The following ENTREP2 variants were observed in gnomAD, a reference collection of about 807,000 sequenced individuals.
The protein encoded by ENTREP2 is protein ENTREP2.
the ENTREP2 span, among the ~76,000 whole-genome samples, chr15:29,383,970 C>G: frequency 6.6e-6 from 1 of 152,200 alleles, no homozygotes; most frequent in Non-Finnish European, 1.5e-5. Flanking sequence ...CTCCTTGCCT[C>G]GCAGTCCAGT....
the ENTREP2 span, among the ~76,000 whole-genome samples, chr15:29,131,508 G>A: frequency 2.1e-5 from 3 of 142,652 alleles, no homozygotes; most frequent in Non-Finnish European, 4.6e-5. Context: ...TTCAGCCCTG[G>A]GGTGCTGAAG....
the ENTREP2 span, chr15:29,126,378 G>A: frequency 1.7e-5 from 27 of 1,545,322 alleles, no homozygotes; most frequent in East Asian, 5.9e-4. Flanking sequence ...ACATGGCCAG[G>A]GGGAAGGGCA....
At chr15:29,149,975 C>T in the ENTREP2 span, among the ~76,000 whole-genome samples, 3 of 152,332 alleles carry the variant, frequency 2.0e-5, no homozygotes, top group Admixed American at 6.5e-5. Flanking sequence ...CCGCTGTCGC[C>T]GCAGCCTGCC....
At chr15:29,479,206 CAAAA>C in the ENTREP2 span, among the ~76,000 whole-genome samples, 5 of 72,340 alleles carry the variant, frequency 6.9e-5, no homozygotes, top group Middle Eastern at 6.9e-3. Flanking sequence ...GGCTCTGTCT[CAAAA>C]AAAAAAAAAA....
the ENTREP2 span, among the ~76,000 whole-genome samples, chr15:29,309,180 G>C: frequency 3.3e-5 from 5 of 152,240 alleles, no homozygotes; most frequent in South Asian, 2.1e-4. Flanking sequence ...CCCTATAATT[G>C]AATGTATTAT....
chr15:29,479,407 G>C, the ENTREP2 span, among the ~76,000 whole-genome samples: 4 of 151,964 alleles, frequency 2.6e-5, no homozygotes, highest in Admixed American at 2.6e-4. Flanking sequence ...AAATTACCCA[G>C]GGTCAGGTAT....
the ENTREP2 span, among the ~76,000 whole-genome samples, chr15:29,450,736 T>G: frequency 1.3e-5 from 2 of 152,152 alleles, no homozygotes; most frequent in African/African-American, 4.8e-5. Context: ...AATGGTAGAC[T>G]GGGTAAAGAA....
chr15:29,329,784 C>A, the ENTREP2 span, among the ~76,000 whole-genome samples: 1 of 152,136 alleles, frequency 6.6e-6, no homozygotes, highest in Admixed American at 6.5e-5. Flanking sequence ...AATAAAGTAA[C>A]ATTGGATTAT....
At chr15:29,184,925 G>A in the ENTREP2 span, among the ~76,000 whole-genome samples, 1 of 151,878 alleles carries the variant, frequency 6.6e-6, no homozygotes, top group Admixed American at 6.6e-5. Flanking sequence ...TGAACGGTAT[G>A]AGACCATGGG....
At chr15:29,362,074 C>G in the ENTREP2 span, among the ~76,000 whole-genome samples, 1 of 152,182 alleles carries the variant, frequency 6.6e-6, no homozygotes. Context: ...GGGACTCCAT[C>G]CAGAGGCACA....
chr15:29,200,288 G>A, the ENTREP2 span, among the ~76,000 whole-genome samples: 1 of 152,050 alleles, frequency 6.6e-6, no homozygotes, highest in Non-Finnish European at 1.5e-5. Context: ...CGATTCTCAT[G>A]GCTCAGCCTC....
At chr15:29,621,320 G>A in the ENTREP2 span, among the ~76,000 whole-genome samples, 1 of 151,452 alleles carries the variant, frequency 6.6e-6, no homozygotes, top group African/African-American at 2.4e-5. Context: ...TCAGGAGATC[G>A]AGACCATCCT....
At chr15:29,133,374 G>C in the ENTREP2 span, among the ~76,000 whole-genome samples, 2 of 152,096 alleles carry the variant, frequency 1.3e-5, no homozygotes, top group South Asian at 2.1e-4. Context: ...AGGAGCCCTG[G>C]GGGTGGGCCC....
chr15:29,187,761 C>G, the ENTREP2 span, among the ~76,000 whole-genome samples: 5 of 152,156 alleles, frequency 3.3e-5, no homozygotes, highest in Non-Finnish European at 7.3e-5. Flanking sequence ...TGTGCCACGC[C>G]CCTCGCTGTA....
chr15:29,650,992 G>A, the ENTREP2 span, among the ~76,000 whole-genome samples: 1 of 152,132 alleles, frequency 6.6e-6, no homozygotes, highest in African/African-American at 2.4e-5. Context: ...TGCCAGCCTG[G>A]GCAACAGATA....
chr15:29,639,241 A>T, the ENTREP2 span, among the ~76,000 whole-genome samples: 2 of 152,240 alleles, frequency 1.3e-5, no homozygotes, highest in Middle Eastern at 6.8e-3. Flanking sequence ...GGTCGTGGAG[A>T]CCAATGCTGT....
At chr15:29,200,052 C>G in the ENTREP2 span, among the ~76,000 whole-genome samples, 149 of 152,284 alleles carry the variant, frequency 9.8e-4, no homozygotes, top group Middle Eastern at 3.4e-3. Context: ...TCTGGATTCT[C>G]TCTTTGTTCC....
the ENTREP2 span, among the ~76,000 whole-genome samples, chr15:29,667,344 T>C: frequency 0.05 from 7,140 of 142,206 alleles, 510 homozygotes; most frequent in African/African-American, 0.16. Context: ...CCCACCACCA[T>C]GCCCGGCTAA....
chr15:29,657,125 G>C, the ENTREP2 span, among the ~76,000 whole-genome samples: 1 of 152,098 alleles, frequency 6.6e-6, no homozygotes, highest in Non-Finnish European at 1.5e-5. Context: ...TTGGCTCACT[G>C]CAAGCTCCGC....
Sources: gnomAD v4.1 joint callset for allele counts (sites outside exome capture counted in the v4.1 genomes callset) on GRCh38, gnomAD v4.1.1 for gene constraint, MANE v1.5 for transcripts, NCBI Gene and HGNC (gene_info 2026-07-23, HGNC 2026-07-21) for gene names.